The following CUX2 variants were observed in gnomAD, a reference collection of about 807,000 sequenced individuals.
CUX2 encodes cut like homeobox 2, also known as homeobox protein cut-like 2.
Under a neutral mutation model 144.8 loss-of-function variants are expected in CUX2, and 40 were observed. The observed-to-expected ratio is 0.28, with a 90% CI of 0.21 to 0.36. The LOEUF (loss-of-function observed/expected upper bound fraction) is 0.36, where lower values mean the gene tolerates loss of function less well. Ranked by LOEUF, CUX2 falls within the 10% of genes least tolerant of loss-of-function variation. CUX2 has a pLI of 1.00. For missense variants in CUX2, 1,615 were observed against 1,994.0 expected (o/e 0.81, Z 3.62); for synonymous variants, 827 against 875.6 (o/e 0.94, Z 0.98).
At chr12:111,176,393 C>T (rs955072030) in intron 1 of CUX2, among the ~76,000 whole-genome samples, 32 of 152,060 alleles carry the variant, frequency 2.1e-4, no homozygotes, top group African/African-American at 7.7e-4. Flanking sequence ...GAGACTCAGG[C>T]TCCAGTCCTG....
chr12:111,200,897 A>G (rs1880542299), intron 1 of CUX2, among the ~76,000 whole-genome samples: 1 of 152,124 alleles, frequency 6.6e-6, no homozygotes, highest in African/African-American at 2.4e-5. Context: ...GATGCTTCCC[A>G]TTTGTTTAGG....
At chr12:111,297,654 T>A (rs963835234) in intron 8 of CUX2, among the ~76,000 whole-genome samples, 2 of 152,210 alleles carry the variant, frequency 1.3e-5, no homozygotes, top group Non-Finnish European at 2.9e-5. Flanking sequence ...AAATCATTCA[T>A]TCTGCAAACA....
chr12:111,285,961 A>G (rs1257379880), intron 4 of CUX2, among the ~76,000 whole-genome samples: 3 of 152,206 alleles, frequency 2.0e-5, no homozygotes, highest in Admixed American at 6.5e-5. Context: ...ATCAGACCCC[A>G]CTGTGTCCTG....
chr12:111,295,313 C>A lies in CUX2; in HGVS notation c.561-20C>A. 6.2e-7 allele frequency: 1 copy of A among 1,608,760 alleles called. No homozygotes were observed. The highest frequency in any genetic ancestry group is 8.5e-7 in the Non-Finnish European group (1 of 1,177,942). ...GGCCTGTCCCTGCAGCCAGCACAAGCAGGCCTCGTCTCTCCGCAGGGGCCT... is the reference window on the plus strand; with the variant it reads ...GGCCTGTCCCTGCAGCCAGCACAAGAAGGCCTCGTCTCTCCGCAGGGGCCT... On this transcript the variant is annotated intron_variant, in intron 6 of 21. Coordinates refer to ENST00000261726, the MANE Select transcript of CUX2 (RefSeq NM_015267.4). The surrounding 1 kb of genome is among the most constrained non-coding windows in gnomAD (Gnocchi z 5.0).
intron 10 of CUX2, among the ~76,000 whole-genome samples, chr12:111,306,298 G>A (rs1886577115): frequency 6.7e-6 from 1 of 148,826 alleles, no homozygotes; most frequent in African/African-American, 2.5e-5. Flanking sequence ...AGAAAGCTGG[G>A]GTTGGGTTGG....
At chr12:111,335,935 A>T (rs138565495) in intron 19 of CUX2, among the ~76,000 whole-genome samples, 434 of 151,590 alleles carry the variant, frequency 2.9e-3, no homozygotes, top group Non-Finnish European at 4.2e-3. Flanking sequence ...AAAAAAAAAG[A>T]CAAAAGTGCC....
At chr12:111,309,452 G>A (rs1349051832) in intron 14 of CUX2, among the ~76,000 whole-genome samples, 2 of 152,164 alleles carry the variant, frequency 1.3e-5, no homozygotes, top group Non-Finnish European at 2.9e-5. Context: ...TGGGGGTGGG[G>A]CGCTCCCCAG....
chr12:111,052,850 A>C (rs1288755910), intron 1 of CUX2, among the ~76,000 whole-genome samples: 2 of 152,210 alleles, frequency 1.3e-5, no homozygotes, highest in African/African-American at 4.8e-5. Flanking sequence ...GACTTCCCCA[A>C]AGCTAAGCAT....
intron 1 of CUX2, among the ~76,000 whole-genome samples, chr12:111,070,016 C>T (rs965832914): frequency 6.6e-6 from 1 of 152,176 alleles, no homozygotes; most frequent in Non-Finnish European, 1.5e-5. Flanking sequence ...AGGGTCGCTG[C>T]ATGGGGGATG....
intron 8 of CUX2, among the ~76,000 whole-genome samples, chr12:111,297,229 C>T (rs1886056998): frequency 1.3e-5 from 2 of 151,462 alleles, no homozygotes; most frequent in South Asian, 2.1e-4. Context: ...TCATCCCAGA[C>T]ACGCCTCCAC....
rs1869375106 is a variant in CUX2, at chr12:111,035,245, T to G, written c.63+1005T>G. On this transcript the variant is annotated intron_variant, in intron 1 of 21. Coordinates refer to ENST00000261726, the MANE Select transcript of CUX2 (RefSeq NM_015267.4). The surrounding 1 kb of genome is among the most constrained non-coding windows in gnomAD (Gnocchi z 6.0). The stretch of plus-strand genomic sequence containing the variant: ...TCTTTCCTCTCTTCCCTGCTCTTTC[T>G]CTCTCCTTCCCTAGGGCGACTCTTC... Among the ~76,000 whole-genome samples the G allele has an allele frequency of 1.3e-5, 2 of 152,224 alleles. No individual in the cohort carries two copies. The highest frequency in any genetic ancestry group is 4.1e-4 in the South Asian group (2 of 4,832).
chr12:111,298,331 G>A (rs1253293901), intron 8 of CUX2, among the ~76,000 whole-genome samples: 1 of 152,188 alleles, frequency 6.6e-6, no homozygotes, highest in Admixed American at 6.5e-5. Flanking sequence ...GGGGGAGAGG[G>A]GAGGCCAGGC....
chr12:111,264,628 G>T (rs919599688), intron 4 of CUX2, among the ~76,000 whole-genome samples: 1 of 152,018 alleles, frequency 6.6e-6, no homozygotes, highest in Non-Finnish European at 1.5e-5. Context: ...ACCTGTAATC[G>T]CAGCTGCTCG....
chr12:111,187,818 T>TG, intron 1 of CUX2, among the ~76,000 whole-genome samples: 1 of 152,260 alleles, frequency 6.6e-6, no homozygotes. Flanking sequence ...ATGTCTGTGC[T>TG]GGGGGCAGGG....
At chr12:111,179,471 G>A (rs1012909091) in intron 1 of CUX2, among the ~76,000 whole-genome samples, 1 of 152,216 alleles carries the variant, frequency 6.6e-6, no homozygotes, top group African/African-American at 2.4e-5. Context: ...TTGGGCCTCA[G>A]TTTCCAAATC....
chr12:111,106,184 G>T (rs1357132205), intron 1 of CUX2, among the ~76,000 whole-genome samples: 1 of 152,038 alleles, frequency 6.6e-6, no homozygotes. Flanking sequence ...TAAGGATAGG[G>T]TTTTGCCATG....
At chr12:111,269,602 A>G (rs1363798342) in intron 4 of CUX2, among the ~76,000 whole-genome samples, 1 of 152,206 alleles carries the variant, frequency 6.6e-6, no homozygotes, top group East Asian at 1.9e-4. Context: ...GGGTACAGAC[A>G]GGCAGGAAGA....
chr12:111,046,530 C>T (rs544556092), intron 1 of CUX2, among the ~76,000 whole-genome samples: 2 of 152,336 alleles, frequency 1.3e-5, no homozygotes, highest in South Asian at 2.1e-4. Flanking sequence ...GTTGGCCACC[C>T]GTGTTCCTGC....
At chr12:111,203,214 C>G (rs774986108) in intron 1 of CUX2, among the ~76,000 whole-genome samples, 3 of 131,514 alleles carry the variant, frequency 2.3e-5, no homozygotes, top group Non-Finnish European at 4.6e-5. Flanking sequence ...CCTGGGCAAC[C>G]GAATGAGACT....
Sources: allele counts gnomAD v4.1 joint callset (sites outside exome capture counted in the v4.1 genomes callset), GRCh38; gene constraint gnomAD v4.1.1; non-coding constraint Gnocchi (gnomAD v3.1); transcripts MANE v1.5; gene names NCBI Gene and HGNC (gene_info 2026-07-23, HGNC 2026-07-21).